The following ADAMTSL2 variants were observed in gnomAD, a reference collection of about 807,000 sequenced individuals.
The protein encoded by ADAMTSL2 is ADAMTS like 2, also known as ADAMTS-like protein 2.
Under a neutral mutation model 117.0 loss-of-function variants are expected in ADAMTSL2, and 55 were observed. The observed-to-expected ratio is 0.47, with a 90% CI of 0.38 to 0.59. The LOEUF (loss-of-function observed/expected upper bound fraction) is 0.59. ADAMTSL2 is among the 20% of genes least tolerant of loss of function. The probability of loss-of-function intolerance (pLI) is 0.00; values close to 1 mark genes in which losing one functional copy is unlikely to be tolerated. For missense variants in ADAMTSL2, 1,182 were observed against 1,354.5 expected, an observed-to-expected ratio of 0.87 and a Z score of 2.00; for synonymous variants, 572 against 566.4, an observed-to-expected ratio of 1.01 and a Z score of -0.14.
chr9:133,537,142 G>A (rs1200570481), intron 2 of ADAMTSL2, among the ~76,000 whole-genome samples: 3 of 152,156 alleles, frequency 2.0e-5, no homozygotes, highest in South Asian at 2.1e-4. Context: ...AGTTAGATGC[G>A]GCCCCAGGAG....
intron 17 of ADAMTSL2, among the ~76,000 whole-genome samples, chr9:133,572,785 C>T (rs1325510630): frequency 2.0e-5 from 3 of 152,186 alleles, no homozygotes; most frequent in Non-Finnish European, 1.5e-5. Context: ...GGTGGCTGCC[C>T]CCCGATGCCG....
At chr9:133,542,778 C>T (rs528629357) in intron 7 of ADAMTSL2, among the ~76,000 whole-genome samples, 43 of 152,312 alleles carry the variant, frequency 2.8e-4, no homozygotes, top group South Asian at 1.2e-3. Context: ...ACTCTTTCCC[C>T]GGACGAACTG....
At chr9:133,544,373 G>T in intron 7 of ADAMTSL2, 97 bp from the exon 8 acceptor site, 1 of 1,034,380 alleles carries the variant, frequency 9.7e-7, no homozygotes, top group Non-Finnish European at 1.5e-6. Flanking sequence ...CCCTTAGACA[G>T]CCACCGCTCA....
chr9:133,574,969 C>A lies in ADAMTSL2; in HGVS notation c.*105C>A. 1.2e-6 allele frequency: 1 copy of A among 866,212 alleles called. No individual in the cohort carries two copies. The highest frequency in any genetic ancestry group is 1.4e-5 in the South Asian group (1 of 73,242). The allele number at this position is 866,212 out of a possible 1,614,324, so 53.7% of individuals were successfully genotyped here. A position where few individuals can be genotyped will look rare whatever the true frequency, so the allele number is the denominator to read the frequency against. ...CCCCCCTCCTGCGGGGCACGCTGGC[C>A]TAAGAGACGTGGCACTGAGCCTCGG... On this transcript the variant is annotated 3_prime_UTR_variant, in exon 19 of 19. Transcript: ENST00000651351.
upstream of ADAMTSL2, chr9:133,532,580 G>C (rs1829965655): frequency 6.6e-6 from 1 of 152,246 alleles, no homozygotes; most frequent in African/African-American, 2.4e-5. Flanking sequence ...GGTAGGTGTG[G>C]GCTGAGACCA....
intron 7 of ADAMTSL2, among the ~76,000 whole-genome samples, chr9:133,541,712 G>C (rs1354427336): frequency 6.6e-6 from 1 of 152,180 alleles, no homozygotes; most frequent in Non-Finnish European, 1.5e-5. Context: ...TCGGCTCCAG[G>C]CTGACCCAGC....
At chr9:133,564,659 A>G (rs1588305562) in intron 12 of ADAMTSL2, among the ~76,000 whole-genome samples, 1 of 117,028 alleles carries the variant, frequency 8.5e-6, no homozygotes, top group African/African-American at 3.3e-5. Context: ...GGAGAGAGGG[A>G]GAGAGAGAGG....
intron 9 of ADAMTSL2, among the ~76,000 whole-genome samples, chr9:133,550,052 C>G (rs1588289211): frequency 6.6e-6 from 1 of 152,232 alleles, no homozygotes; most frequent in Admixed American, 6.5e-5. Flanking sequence ...GACCCAAGCT[C>G]CCCCATCCAA....
chr9:133,538,358 C>T lies in ADAMTSL2; in HGVS notation c.243C>T (p.Ser81=), dbSNP rs565695532. 28 of 1,613,378 alleles carry T rather than the reference C, an allele frequency of 1.7e-5. No homozygotes were observed. In the Admixed American group the frequency reaches 2.0e-4, roughly 12 times the overall value. ...TGCATCTTTCTGCCAGGAGGAAGTC[C>T]GTCCCGGGCCCCGGGAACAGGACCT... The part of the protein sequence containing the change: ...ERHCLQQRRK[S]VPGPGNRTCT... The change falls in exon 4 of 19, where the codon TCC becomes TCT. Residue 81 remains serine (S), a synonymous_variant. Transcript: ENST00000651351.
intron 12 of ADAMTSL2, among the ~76,000 whole-genome samples, chr9:133,563,795 C>T (rs1262269036): frequency 1.1e-5 from 1 of 89,044 alleles, no homozygotes; most frequent in Non-Finnish European, 2.3e-5. Context: ...CCCTGAGAGA[C>T]AGAGAGAGAG....
At chr9:133,542,078 T>G (rs2131104909) in intron 7 of ADAMTSL2, among the ~76,000 whole-genome samples, 1 of 152,280 alleles carries the variant, frequency 6.6e-6, no homozygotes, top group South Asian at 2.1e-4. Flanking sequence ...CCAGGCCTGT[T>G]AGGGCCACGG....
At chr9:133,537,690 T>G in intron 3 of ADAMTSL2, 143 bp downstream of exon 3, 1 of 999,650 alleles carries the variant, frequency 1.0e-6, no homozygotes, top group Non-Finnish European at 1.3e-6. Context: ...AGTCCCCCCA[T>G]CAGCCTCTGC....
At chr9:133,534,620 C>G (rs965823691), upstream of ADAMTSL2, 5 of 1,273,694 alleles carry the variant, frequency 3.9e-6, no homozygotes, top group East Asian at 6.3e-5. Flanking sequence ...CCGGCGCGGG[C>G]GGGGGAGCGG....
chr9:133,544,494 C>T lies in ADAMTSL2; in HGVS notation c.707C>T (p.Pro236Leu), dbSNP rs754545792. ...HLGYSLVTHI[P>L]AGARDIQIVE... The stretch of plus-strand genomic sequence containing the variant: ...GGTTACTCTCTGGTGACCCACATCC[C>T]GGCTGGTGCCCGAGACATCCAGATT... Residue 236 changes from proline (P) to leucine (L), a missense_variant, in exon 8 of 19, where the codon CCG becomes CTG. Physicochemically the swap from Pro to Leu is moderately conservative, Grantham distance 98 (BLOSUM62 -3). Coordinates refer to ENST00000651351, the MANE Select transcript of ADAMTSL2 (RefSeq NM_014694.4). 5.6e-6 allele frequency: 9 copies of T among 1,614,012 alleles called. No homozygotes were observed. Among genetic ancestry groups the T allele is most frequent in the Middle Eastern group, 1.6e-4 (1 of 6,082 alleles).
Position 133,536,681 on chromosome 9 carries a change from G to T in ADAMTSL2, c.-32G>T, listed in dbSNP as rs773151671. 6.2e-7 allele frequency: 1 copy of T among 1,614,182 alleles called. No individual in the cohort carries two copies. Among genetic ancestry groups the T allele is most frequent in the South Asian group, 1.1e-5 (1 of 91,086 alleles). ...GTCATCTGGAAGAGGATCGGAGCTG[G>T]CCTGGTGGTGACAGTGGCCTTGCTT... On this transcript the variant is annotated 5_prime_UTR_variant, in exon 2 of 19. Coordinates refer to ENST00000651351, the MANE Select transcript of ADAMTSL2 (RefSeq NM_014694.4).
Position 133,574,937 on chromosome 9 carries a change from CCA to C in ADAMTSL2, c.*76_*77del. ...GGGGCTGCTGCAGCTTCTGGGGCCT[CCA>C]CAGACCCCCCTCCTGCGGGGCACGC... On this transcript the variant is annotated 3_prime_UTR_variant, in exon 19 of 19. Coordinates refer to ENST00000651351, the MANE Select transcript of ADAMTSL2 (RefSeq NM_014694.4). The C allele has an allele frequency of 1.7e-6, 2 of 1,192,928 alleles. No individual in the cohort carries two copies. The highest frequency in any genetic ancestry group is 1.2e-5 in the South Asian group (1 of 82,278). The allele number at this position is 1,192,928 out of a possible 1,614,324, so 73.9% of individuals were successfully genotyped here.
Position 133,568,261 on chromosome 9 carries a change from C to T in ADAMTSL2, c.1875-12C>T. The T allele has an allele frequency of 6.4e-7, 1 of 1,555,840 alleles. No individual in the cohort carries two copies. The highest frequency in any genetic ancestry group is 2.4e-5 in the East Asian group (1 of 41,488). ...GGGGGGGATCATTGAAGGCCATCCGCTCCCGGGGCAGGTGGGAGACGAGCA... is the reference window on the plus strand; with the variant it reads ...GGGGGGGATCATTGAAGGCCATCCGTTCCCGGGGCAGGTGGGAGACGAGCA... On this transcript the variant is annotated splice_polypyrimidine_tract_variant and intron_variant, in intron 13 of 18. Transcript: ENST00000651351.
At position 133,575,103 on chromosome 9, in the gene ADAMTSL2, G is replaced by A; in HGVS notation, c.*239G>A. ...AGAGCCACCCCTGCCGTGGGAACCT[G>A]TCCGTGTTCCTGCGTGGATCCTGTG... On this transcript the variant is annotated 3_prime_UTR_variant, in exon 19 of 19. Transcript: ENST00000651351. 1 of 565,804 alleles carries A rather than the reference G, an allele frequency of 1.8e-6. No homozygotes were observed. The highest frequency in any genetic ancestry group is 3.2e-6 in the Non-Finnish European group (1 of 314,102). 35.0% of individuals were successfully genotyped at this position (565,804 alleles called of 1,614,324 possible).
At chr9:133,539,690 C>CTGTCCCGG in intron 4 of ADAMTSL2, 81 bp from the exon 5 acceptor site, 1 of 1,372,848 alleles carries the variant, frequency 7.3e-7, no homozygotes, top group Non-Finnish European at 1.0e-6. Context: ...CCGGCTGCAG[C>CTGTCCCGG]CACTTCCTGC....
Sources: allele counts gnomAD v4.1 joint callset (sites outside exome capture counted in the v4.1 genomes callset), GRCh38; gene constraint gnomAD v4.1.1; transcripts MANE v1.5; gene names NCBI Gene and HGNC (gene_info 2026-07-23, HGNC 2026-07-21).